The following ATP9A variants were observed in gnomAD, a reference collection of about 807,000 sequenced individuals.
ATP9A encodes ATPase phospholipid transporting 9A, also known as probable phospholipid-transporting ATPase IIA.
In ATP9A, 52 loss-of-function variants were observed where a neutral mutation model predicts 144.1. The observed-to-expected ratio is 0.36, with a 90% CI of 0.29 to 0.45. ATP9A has a LOEUF of 0.45. Ranked by LOEUF, ATP9A falls within the 20% of genes least tolerant of loss-of-function variation. The probability of loss-of-function intolerance (pLI) is 1.00; values close to 1 mark genes in which losing one functional copy is unlikely to be tolerated. For synonymous variants in ATP9A, 582 were observed against 557.4 expected (o/e 1.04, Z -0.62); for missense variants, 947 against 1,392.7 (o/e 0.68, Z 5.09).
intron 18 of ATP9A, among the ~76,000 whole-genome samples, chr20:51,624,458 T>C (rs2077239511): frequency 6.6e-6 from 1 of 152,096 alleles, no homozygotes. Context: ...TCCTAGTATT[T>C]TTTTTTGGGT....
chr20:51,604,118 G>T (rs2077153876), intron 27 of ATP9A, among the ~76,000 whole-genome samples: 1 of 152,132 alleles, frequency 6.6e-6, no homozygotes, highest in Non-Finnish European at 1.5e-5. Flanking sequence ...TGGGCGTCTA[G>T]CACCTCACCC....
At chr20:51,668,508 C>T (rs1442009711) in intron 13 of ATP9A, among the ~76,000 whole-genome samples, 1 of 151,982 alleles carries the variant, frequency 6.6e-6, no homozygotes, top group Non-Finnish European at 1.5e-5. Flanking sequence ...GAGGGGCCAT[C>T]CGGGGAACAA....
At chr20:51,701,021 A>T (rs2077591276) in intron 4 of ATP9A, among the ~76,000 whole-genome samples, 1 of 152,204 alleles carries the variant, frequency 6.6e-6, no homozygotes, top group Non-Finnish European at 1.5e-5. Context: ...CCGTAAATTC[A>T]ACGTGGCCCT....
At chr20:51,608,182 T>C (rs1368372313) in intron 25 of ATP9A, among the ~76,000 whole-genome samples, 1 of 152,204 alleles carries the variant, frequency 6.6e-6, no homozygotes, top group Non-Finnish European at 1.5e-5. Context: ...TTTGGAACTG[T>C]ACACAAGAAC....
intron 8 of ATP9A, among the ~76,000 whole-genome samples, chr20:51,689,648 C>T (rs2077538517): frequency 1.3e-5 from 2 of 151,584 alleles, no homozygotes; most frequent in Non-Finnish European, 2.9e-5. Flanking sequence ...AGCAATTCTC[C>T]TGACCTCAGG....
At chr20:51,693,511 GT>G (rs879692847) in intron 7 of ATP9A, among the ~76,000 whole-genome samples, 22 of 147,198 alleles carry the variant, frequency 1.5e-4, no homozygotes, top group African/African-American at 2.6e-4. Context: ...TTGGAGGGTT[GT>G]TTTTTTTTTA....
intron 4 of ATP9A, among the ~76,000 whole-genome samples, chr20:51,705,678 T>C (rs2077611836): frequency 6.6e-6 from 1 of 152,192 alleles, no homozygotes; most frequent in African/African-American, 2.4e-5. Flanking sequence ...CCCATGGAAT[T>C]CATCTTGTGA....
chr20:51,691,845 A>G (rs2077549853), intron 7 of ATP9A, among the ~76,000 whole-genome samples: 1 of 152,230 alleles, frequency 6.6e-6, no homozygotes, highest in Admixed American at 6.5e-5. Context: ...AAGCAACTCA[A>G]ACAAGCATCA....
intron 16 of ATP9A, among the ~76,000 whole-genome samples, chr20:51,628,216 T>A (rs1425389210): frequency 2.0e-5 from 3 of 152,182 alleles, no homozygotes; most frequent in African/African-American, 7.2e-5. Context: ...ACCCTCAAAC[T>A]GAGAATCTTA....
chr20:51,756,487 C>T (rs1389658019), intron 1 of ATP9A, among the ~76,000 whole-genome samples: 1 of 152,010 alleles, frequency 6.6e-6, no homozygotes, highest in African/African-American at 2.4e-5. Context: ...GATGGGATAT[C>T]ACCATGTTGG....
intron 14 of ATP9A, among the ~76,000 whole-genome samples, chr20:51,647,780 G>A (rs757376339): frequency 1.3e-5 from 2 of 152,080 alleles, no homozygotes; most frequent in African/African-American, 2.4e-5. Context: ...ACTCTATTCT[G>A]AGCCAACACT....
At chr20:51,712,028 G>A (rs987154122) in intron 4 of ATP9A, among the ~76,000 whole-genome samples, 1 of 142,070 alleles carries the variant, frequency 7.0e-6, no homozygotes, top group Admixed American at 7.1e-5. Flanking sequence ...GCTAATTTTT[G>A]TATTTGTAGC....
At chr20:51,745,426 C>CA (rs11483249) in intron 1 of ATP9A, among the ~76,000 whole-genome samples, 89,369 of 142,482 alleles carry the variant, frequency 0.63, 27,689 homozygotes, top group Non-Finnish European at 0.65. Context: ...GATTCTGTCT[C>CA]AAAAAAAAAA....
Position 51,690,704 on chromosome 20 carries a change from G to A in ATP9A, c.723+35C>T, listed in dbSNP as rs376293252. The A allele has an allele frequency of 5.2e-5, 81 of 1,544,860 alleles. 3 individuals carry two copies. Among genetic ancestry groups the A allele is most frequent in the East Asian group, 9.0e-5 (4 of 44,564 alleles). ...TTCATTTCATCCCTTACACACTCCCGGTGACAGGATCCCATGTGAAGGAAG... is the reference window on the plus strand; with the variant it reads ...TTCATTTCATCCCTTACACACTCCCAGTGACAGGATCCCATGTGAAGGAAG... On this transcript the variant is annotated intron_variant, in intron 8 of 27. Transcript: ENST00000338821.
intron 7 of ATP9A, among the ~76,000 whole-genome samples, chr20:51,692,758 T>C (rs1445120840): frequency 6.6e-6 from 1 of 152,150 alleles, no homozygotes; most frequent in East Asian, 1.9e-4. Context: ...GCCAAGATCA[T>C]GCCACTGCAG....
chr20:51,758,702 G>C (rs946565055), intron 1 of ATP9A, among the ~76,000 whole-genome samples: 1 of 152,090 alleles, frequency 6.6e-6, no homozygotes, highest in African/African-American at 2.4e-5. Context: ...CAAGGCGGGC[G>C]GATCATGAGG....
At chr20:51,688,958 T>C (rs1156271481) in intron 9 of ATP9A, 106 bp downstream of exon 9, 4 of 1,242,280 alleles carry the variant, frequency 3.2e-6, no homozygotes, top group African/African-American at 1.5e-5. Flanking sequence ...GAAAATGCCA[T>C]TTGACCGAGC....
intron 12 of ATP9A, among the ~76,000 whole-genome samples, chr20:51,670,630 T>G (rs1293917685): frequency 6.6e-6 from 1 of 152,170 alleles, no homozygotes. Flanking sequence ...CCATGGACAT[T>G]AAGCAGTAGA....
chr20:51,751,268 T>TG (rs888753945), intron 1 of ATP9A, among the ~76,000 whole-genome samples: 3 of 148,618 alleles, frequency 2.0e-5, no homozygotes, highest in Admixed American at 6.7e-5. Context: ...TTTGTTTTTT[T>TG]TTTTTTTTTT....
Sources: allele counts gnomAD v4.1 joint callset (sites outside exome capture counted in the v4.1 genomes callset), GRCh38; gene constraint gnomAD v4.1.1; transcripts MANE v1.5; gene names NCBI Gene and HGNC (gene_info 2026-07-23, HGNC 2026-07-21).